The following GABRG3 variants were observed in gnomAD, a reference collection of about 807,000 sequenced individuals.
GABRG3 encodes the protein gamma-aminobutyric acid type A receptor subunit gamma3.
In GABRG3, 25 loss-of-function variants were observed where a neutral mutation model predicts 48.8. That is an observed-to-expected ratio of 0.51 (90% CI 0.37 to 0.72). The LOEUF (loss-of-function observed/expected upper bound fraction) is 0.72, where lower values mean the gene tolerates loss of function less well. Ranked by LOEUF, GABRG3 falls within the 30% of genes least tolerant of loss-of-function variation. GABRG3 has a pLI of 0.00. For missense variants in GABRG3, 394 were observed against 577.9 expected (o/e 0.68, Z 3.26); for synonymous variants, 227 against 217.6 (o/e 1.04, Z -0.38).
intron 2 of GABRG3, among the ~76,000 whole-genome samples, chr15:26,987,003 G>A (rs574062488): frequency 1.1e-4 from 16 of 152,282 alleles, no homozygotes; most frequent in Non-Finnish European, 2.4e-4. Flanking sequence ...AAGAATTACA[G>A]GTAATGCACT....
intron 3 of GABRG3, among the ~76,000 whole-genome samples, chr15:27,080,548 G>A (rs1447348744): frequency 6.6e-6 from 1 of 152,206 alleles, no homozygotes; most frequent in East Asian, 1.9e-4. Flanking sequence ...GGAGGCCAGG[G>A]TGGAAGGATC....
intron 5 of GABRG3, among the ~76,000 whole-genome samples, chr15:27,360,305 A>C (rs1025237129): frequency 6.6e-6 from 1 of 152,128 alleles, no homozygotes; most frequent in Non-Finnish European, 1.5e-5. Flanking sequence ...CATGGACAGA[A>C]GGGAGGACTT....
intron 3 of GABRG3, among the ~76,000 whole-genome samples, chr15:27,263,172 C>T (rs1036429244): frequency 2.0e-5 from 3 of 152,148 alleles, no homozygotes; most frequent in African/African-American, 7.2e-5. Flanking sequence ...GGAAAGAAAT[C>T]GATGAGAAAT....
intron 5 of GABRG3, among the ~76,000 whole-genome samples, chr15:27,470,023 C>T (rs1889736836): frequency 6.6e-6 from 1 of 152,128 alleles, no homozygotes. Context: ...TATCATTCCT[C>T]CTGCATTTGT....
intron 3 of GABRG3, among the ~76,000 whole-genome samples, chr15:27,301,766 C>G (rs1482530660): frequency 6.6e-6 from 1 of 152,054 alleles, no homozygotes; most frequent in African/African-American, 2.4e-5. Flanking sequence ...CTAAGCAAAC[C>G]TCAATAGGGT....
intron 3 of GABRG3, among the ~76,000 whole-genome samples, chr15:27,285,919 A>C (rs138134690): frequency 6.6e-6 from 1 of 152,268 alleles, no homozygotes; most frequent in African/African-American, 2.4e-5. Context: ...GACCAATGAG[A>C]GTGCATCTCA....
intron 5 of GABRG3, among the ~76,000 whole-genome samples, chr15:27,382,511 C>G (rs958941418): frequency 1.3e-5 from 2 of 152,162 alleles, no homozygotes; most frequent in Non-Finnish European, 2.9e-5. Context: ...ATGGCTTTCA[C>G]TCGGAGTGAA....
At chr15:27,497,066 T>A (rs1890505006) in intron 6 of GABRG3, among the ~76,000 whole-genome samples, 2 of 152,252 alleles carry the variant, frequency 1.3e-5, no homozygotes, top group South Asian at 2.1e-4. Flanking sequence ...GCTGCTGTCC[T>A]CTTTCCCACA....
At chr15:27,026,882 A>C in intron 3 of GABRG3, 61 bp downstream of exon 3, 689 of 1,156,874 alleles carry the variant, frequency 6.0e-4, no homozygotes, top group Non-Finnish European at 7.8e-4. Context: ...TTACATTCTC[A>C]TTGTGGATTT....
At chr15:27,265,882 G>T (rs57909906) in intron 3 of GABRG3, among the ~76,000 whole-genome samples, 63,459 of 126,878 alleles carry the variant, frequency 0.5, 17,281 homozygotes, top group Non-Finnish European at 0.62. Context: ...TTTTCTCCTG[G>T]TTTTTTTTTT....
chr15:27,357,575 A>T (rs1414551778), intron 5 of GABRG3, among the ~76,000 whole-genome samples: 3 of 152,234 alleles, frequency 2.0e-5, no homozygotes, highest in Non-Finnish European at 4.4e-5. Context: ...AAATAACTCT[A>T]TTATACCACC....
intron 5 of GABRG3, among the ~76,000 whole-genome samples, chr15:27,479,861 G>A (rs1306929238): frequency 6.6e-6 from 1 of 152,232 alleles, no homozygotes; most frequent in African/African-American, 2.4e-5. Context: ...AGGTCAAAGA[G>A]CTCCAGCAGA....
chr15:27,219,955 G>T (rs17648549), intron 3 of GABRG3, among the ~76,000 whole-genome samples: 32,400 of 152,074 alleles, frequency 0.21, 3,640 homozygotes, highest in South Asian at 0.26. Flanking sequence ...TAGTTAGTAG[G>T]GGATGCTTCT....
At chr15:27,397,337 A>G (rs1041769943) in intron 5 of GABRG3, among the ~76,000 whole-genome samples, 1 of 152,176 alleles carries the variant, frequency 6.6e-6, no homozygotes, top group Non-Finnish European at 1.5e-5. Flanking sequence ...GTGGAAATCT[A>G]CAGTTCTCTA....
chr15:27,019,162 G>T (rs1459900573), intron 2 of GABRG3, among the ~76,000 whole-genome samples: 1 of 143,226 alleles, frequency 7.0e-6, no homozygotes, highest in Non-Finnish European at 1.5e-5. Context: ...TCTGCCTCCC[G>T]GGTTCACGCC....
chr15:27,439,912 T>C (rs892354622), intron 5 of GABRG3, among the ~76,000 whole-genome samples: 1 of 152,208 alleles, frequency 6.6e-6, no homozygotes, highest in Non-Finnish European at 1.5e-5. Flanking sequence ...AGAGACCTTA[T>C]TGCGTTCCCA....
At chr15:27,256,185 G>A (rs1890605878) in intron 3 of GABRG3, among the ~76,000 whole-genome samples, 1 of 152,100 alleles carries the variant, frequency 6.6e-6, no homozygotes, top group Admixed American at 6.6e-5. Context: ...GCTCATGCCT[G>A]TAATCCCAGC....
At chr15:27,123,300 A>G (rs1427425665) in intron 3 of GABRG3, among the ~76,000 whole-genome samples, 1 of 152,212 alleles carries the variant, frequency 6.6e-6, no homozygotes, top group Non-Finnish European at 1.5e-5. Context: ...CAAAATTAGT[A>G]TATAGAAACG....
At position 27,319,894 on chromosome 15, in the gene GABRG3, A is replaced by T. The variant is rs1448077399; in HGVS notation, c.271-6915A>T. ...GTTGGAGAATATAGCATTCAATGGG[A>T]TGCGAATCTGAAAGCAGTCAGTGGG... On this transcript the variant is annotated intron_variant, in intron 3 of 9. Transcript: ENST00000615808. This position sits in a 1 kb window ranked among gnomAD's most constrained non-coding sequence, Gnocchi z 4.4. Among the ~76,000 whole-genome samples, 1 of 152,164 alleles carries T rather than the reference A, an allele frequency of 6.6e-6. No homozygotes were observed. Among genetic ancestry groups the T allele is most frequent in the African/African-American group, 2.4e-5 (1 of 41,436 alleles).
Sources: allele counts gnomAD v4.1 joint callset (sites outside exome capture counted in the v4.1 genomes callset), GRCh38; gene constraint gnomAD v4.1.1; non-coding constraint Gnocchi (gnomAD v3.1); transcripts MANE v1.5; gene names NCBI Gene and HGNC (gene_info 2026-07-23, HGNC 2026-07-21).